Variants in SP100 observed in about 807,000 individuals in gnomAD.
The protein encoded by SP100 is nuclear autoantigen Sp-100.
A neutral mutation model predicts 130.0 loss-of-function variants in SP100; 84 were observed. The observed-to-expected ratio is 0.65, with a 90% CI of 0.54 to 0.77. The LOEUF is 0.77. Among genes scored for constraint, SP100 ranks in the 30% least tolerant of loss-of-function variants. The pLI, the probability that SP100 is intolerant of heterozygous loss-of-function variation, is 0.00. For missense variants in SP100, 978 were observed against 1,052.2 expected (o/e 0.93, Z 0.97); for synonymous variants, 331 against 351.7 (o/e 0.94, Z 0.66).
chr2:230,495,763 A>G (rs1480114608), intron 18 of SP100, among the ~76,000 whole-genome samples: 1 of 151,970 alleles, frequency 6.6e-6, no homozygotes, highest in East Asian at 1.9e-4. Flanking sequence ...CATTCTACTT[A>G]TGCTTCTCTT....
intron 24 of SP100, among the ~76,000 whole-genome samples, chr2:230,523,126 A>G (rs1691255129): frequency 1.3e-5 from 2 of 152,186 alleles, no homozygotes; most frequent in African/African-American, 4.8e-5. Context: ...GGCCTTTAAA[A>G]ATCAAACTGC....
chr2:230,473,684 C>T (rs2065389464), intron 16 of SP100, among the ~76,000 whole-genome samples: 1 of 152,166 alleles, frequency 6.6e-6, no homozygotes, highest in Non-Finnish European at 1.5e-5. Flanking sequence ...CCGCCAGAAT[C>T]CTGTTCTCTA....
Position 230,473,327 on chromosome 2 carries a change from C to T in SP100, c.1433C>T (p.Ser478Leu). Residue 478 changes from serine to leucine, a missense_variant, in exon 16 of 29, where the codon TCA becomes TTA. Physicochemically the swap from Ser to Leu is moderately radical, Grantham distance 145. Coordinates refer to ENST00000340126, the MANE Select transcript of SP100 (RefSeq NM_001080391.2). Reference protein sequence around the residue: ...CSSSLRRGSGSQPQEPENKKC... With the variant: ...CSSSLRRGSGLQPQEPENKKC... ...ATGTTTACAAATCACAATTTAGGAT[C>T]ACAGCCACAAGAACCTGAAAATAAG... 1.2e-6 allele frequency: 2 copies of T among 1,609,168 alleles called. No homozygotes were observed. Among genetic ancestry groups the T allele is most frequent in the Non-Finnish European group, 1.7e-6 (2 of 1,176,002 alleles).
intron 2 of SP100, among the ~76,000 whole-genome samples, chr2:230,442,488 G>A (rs1435837506): frequency 2.0e-5 from 3 of 152,148 alleles, no homozygotes; most frequent in African/African-American, 7.2e-5. Context: ...AACAGCTACA[G>A]ATTAGAGAAG....
chr2:230,508,145 T>G (rs1202074123), intron 23 of SP100, 114 bp downstream of exon 23: 16 of 1,512,588 alleles, frequency 1.1e-5, no homozygotes, highest in Non-Finnish European at 1.4e-5. Flanking sequence ...GATTTTATAA[T>G]ATGATGCTTT....
At chr2:230,471,036 A>C (rs2065240832) in intron 15 of SP100, among the ~76,000 whole-genome samples, 1 of 152,334 alleles carries the variant, frequency 6.6e-6, no homozygotes, top group East Asian at 1.9e-4. Context: ...TAAAAATCGC[A>C]AACAGACAGA....
At chr2:230,530,002 G>A (rs1431228769) in intron 24 of SP100, among the ~76,000 whole-genome samples, 1 of 152,090 alleles carries the variant, frequency 6.6e-6, no homozygotes, top group Non-Finnish European at 1.5e-5. Flanking sequence ...TGGCCATACT[G>A]CCCAAGGTAA....
At chr2:230,522,109 G>A (rs146481243) in intron 24 of SP100, among the ~76,000 whole-genome samples, 106 of 152,198 alleles carry the variant, frequency 7.0e-4, no homozygotes, top group African/African-American at 2.3e-3. Flanking sequence ...GGCTCCTATC[G>A]ATTTGGGAAA....
intron 24 of SP100, among the ~76,000 whole-genome samples, chr2:230,522,540 G>A (rs1691224466): frequency 7.4e-6 from 1 of 135,544 alleles, no homozygotes; most frequent in Non-Finnish European, 1.5e-5. Flanking sequence ...CCAGGCTGGA[G>A]TAGAATGGTG....
intron 2 of SP100, among the ~76,000 whole-genome samples, chr2:230,426,357 T>C (rs1339821288): frequency 6.6e-6 from 1 of 152,200 alleles, no homozygotes. Context: ...CTCCCTAATG[T>C]AGGTGTTTAT....
intron 24 of SP100, among the ~76,000 whole-genome samples, chr2:230,527,387 T>C (rs1348168858): frequency 2.6e-5 from 4 of 152,194 alleles, no homozygotes; most frequent in Middle Eastern, 3.2e-3. Context: ...AGAGATTTTG[T>C]CACCACCAGG....
At chr2:230,447,964 C>A (rs907427881) in intron 5 of SP100, among the ~76,000 whole-genome samples, 1 of 152,182 alleles carries the variant, frequency 6.6e-6, no homozygotes, top group African/African-American at 2.4e-5. Context: ...ACCTCATTAA[C>A]ATAAACCCAG....
At chr2:230,497,315 CTTTG>C (rs771879194) in intron 18 of SP100, among the ~76,000 whole-genome samples, 4 of 151,722 alleles carry the variant, frequency 2.6e-5, no homozygotes, top group African/African-American at 4.8e-5. Flanking sequence ...GAAAAAGAGT[CTTTG>C]TTTGTCTAAG....
chr2:230,541,459 G>A, intron 27 of SP100, 87 bp downstream of exon 27: 1 of 1,176,988 alleles, frequency 8.5e-7, no homozygotes, highest in Non-Finnish European at 1.2e-6. Flanking sequence ...CATTCTATTT[G>A]GCTTGTTGAT....
rs879079423 is a variant in SP100, at chr2:230,469,583, C to T, written c.1346-432C>T. 2.5e-4 allele frequency: 115 copies of T among 451,244 alleles called. 1 individual carries two copies. The highest frequency in any genetic ancestry group is 1.7e-3 in the South Asian group (95 of 57,338). 28.0% of individuals were successfully genotyped at this position (451,244 alleles called of 1,614,324 possible). ...TATGCATGAATGAGATAGGAGAAAA[C>T]GATGGAAGGATCCACACTGATCTGT... On this transcript the variant is annotated intron_variant, in intron 14 of 28. Coordinates refer to ENST00000340126, the MANE Select transcript of SP100 (RefSeq NM_001080391.2).
At chr2:230,492,566 A>G (rs553341088) in intron 17 of SP100, among the ~76,000 whole-genome samples, 3 of 152,286 alleles carry the variant, frequency 2.0e-5, no homozygotes, top group Admixed American at 6.5e-5. Flanking sequence ...TATGCTTCCC[A>G]AAGTGCTGGG....
At chr2:230,531,042 T>C (rs1407753949) in intron 24 of SP100, among the ~76,000 whole-genome samples, 1 of 152,206 alleles carries the variant, frequency 6.6e-6, no homozygotes, top group Non-Finnish European at 1.5e-5. Context: ...CTAGAAATAC[T>C]ATTTGACCCA....
intron 8 of SP100, among the ~76,000 whole-genome samples, chr2:230,454,911 C>T (rs1228468805): frequency 2.0e-5 from 3 of 147,352 alleles, no homozygotes; most frequent in Non-Finnish European, 4.5e-5. Context: ...TTGTATTAGT[C>T]TCTCTTTCCT....
At chr2:230,524,065 T>G in intron 24 of SP100, among the ~76,000 whole-genome samples, 1 of 150,370 alleles carries the variant, frequency 6.7e-6, no homozygotes, top group Non-Finnish European at 1.5e-5. Flanking sequence ...TGGGTGTGGT[T>G]GCTCACGCCT....
Sources: allele counts gnomAD v4.1 joint callset (sites outside exome capture counted in the v4.1 genomes callset), GRCh38; gene constraint gnomAD v4.1.1; transcripts MANE v1.5; gene names NCBI Gene and HGNC (gene_info 2026-07-23, HGNC 2026-07-21).